The following FNIP1 variants were observed in gnomAD, a reference collection of about 807,000 sequenced individuals.
FNIP1 encodes the protein folliculin-interacting protein 1.
A neutral mutation model predicts 124.5 loss-of-function variants in FNIP1; 40 were observed. The ratio of observed to expected loss-of-function variants is 0.32; its 90% CI spans 0.25 to 0.42. FNIP1 has a LOEUF of 0.42. Among genes scored for constraint, FNIP1 ranks in the 10% least tolerant of loss-of-function variants. FNIP1 has a pLI of 1.00. For missense variants in FNIP1, 1,176 were observed against 1,403.7 expected, an observed-to-expected ratio of 0.84 and a Z score of 2.59; for synonymous variants, 472 against 470.6, an observed-to-expected ratio of 1.00 and a Z score of -0.04.
At chr5:131,761,274 A>G (rs1488927340) in intron 1 of FNIP1, among the ~76,000 whole-genome samples, 1 of 152,182 alleles carries the variant, frequency 6.6e-6, no homozygotes, top group Non-Finnish European at 1.5e-5. Context: ...TCCTAGCTGG[A>G]GCAATTCAAC....
chr5:131,781,936 AC>A (rs1772009577), intron 1 of FNIP1, among the ~76,000 whole-genome samples: 1 of 152,318 alleles, frequency 6.6e-6, no homozygotes, highest in Non-Finnish European at 1.5e-5. Flanking sequence ...AGGTGGGAAG[AC>A]TGCTTGAGGC....
At chr5:131,670,882 CCTT>C (rs1336547798) in intron 14 of FNIP1, among the ~76,000 whole-genome samples, 1 of 152,032 alleles carries the variant, frequency 6.6e-6, no homozygotes, top group Admixed American at 6.6e-5. Flanking sequence ...ATAAAATACT[CCTT>C]CTTATTCAGA....
chr5:131,731,796 TATTC>T lies in FNIP1; in HGVS notation c.220-762_220-759del, dbSNP rs149687211. ...AAACTGAGACCATGTAAAAAATACT[TATTC>T]ATTCATTTAAATACAACAATAAACC... is the stretch of plus-strand genomic sequence containing the variant. On this transcript the variant is annotated intron_variant, in intron 2 of 17. Transcript: ENST00000510461. 3.7e-3 allele frequency among the ~76,000 whole-genome samples: 562 copies of T among 152,306 alleles called. 3 individuals are homozygous for T. The highest frequency in any genetic ancestry group is 5.5e-3 in the Non-Finnish European group (371 of 68,028).
intron 1 of FNIP1, among the ~76,000 whole-genome samples, chr5:131,772,849 T>G (rs1412482534): frequency 6.6e-6 from 1 of 152,180 alleles, no homozygotes; most frequent in Non-Finnish European, 1.5e-5. Context: ...TTCTTCCCAC[T>G]CTGTCCCATT....
At chr5:131,728,407 C>T (rs1283131963) in intron 3 of FNIP1, among the ~76,000 whole-genome samples, 1 of 152,068 alleles carries the variant, frequency 6.6e-6, no homozygotes, top group East Asian at 1.9e-4. Context: ...ATTCTGTCTT[C>T]ATGCTTTATG....
chr5:131,743,070 TATGA>T, intron 2 of FNIP1, among the ~76,000 whole-genome samples: 1 of 152,222 alleles, frequency 6.6e-6, no homozygotes, highest in South Asian at 2.1e-4. Context: ...TATAGAAGGC[TATGA>T]ATATGAGTAA....
intron 1 of FNIP1, among the ~76,000 whole-genome samples, chr5:131,794,842 G>C (rs1023774008): frequency 3.3e-5 from 5 of 152,188 alleles, no homozygotes; most frequent in African/African-American, 1.2e-4. Flanking sequence ...ATGACAGAAA[G>C]TATCAGTGAC....
chr5:131,736,754 A>G (rs969413240), intron 2 of FNIP1, among the ~76,000 whole-genome samples: 1 of 152,250 alleles, frequency 6.6e-6, no homozygotes, highest in Admixed American at 6.5e-5. Context: ...ACAACTTGCC[A>G]AGTTTTAATG....
intron 15 of FNIP1, among the ~76,000 whole-genome samples, chr5:131,663,148 A>T (rs568038696): frequency 6.6e-6 from 1 of 152,338 alleles, no homozygotes; most frequent in African/African-American, 2.4e-5. Context: ...TTTCACATAG[A>T]AGGTTACCTC....
At chr5:131,688,768 T>C (rs1488397495) in intron 11 of FNIP1, among the ~76,000 whole-genome samples, 1 of 144,190 alleles carries the variant, frequency 6.9e-6, no homozygotes, top group Non-Finnish European at 1.5e-5. Context: ...AGACTGGACA[T>C]GACCAAGGAA....
chr5:131,741,026 C>T (rs1035755968), intron 2 of FNIP1, among the ~76,000 whole-genome samples: 5 of 152,154 alleles, frequency 3.3e-5, no homozygotes, highest in Admixed American at 2.0e-4. Context: ...GTTTAGCATA[C>T]AATCAAGAAA....
At chr5:131,764,307 C>CA (rs1245565271) in intron 1 of FNIP1, among the ~76,000 whole-genome samples, 4 of 137,066 alleles carry the variant, frequency 2.9e-5, no homozygotes, top group Non-Finnish European at 6.3e-5. Context: ...CCTAAAACAC[C>CA]TTTTTTTTTT....
intron 1 of FNIP1, among the ~76,000 whole-genome samples, chr5:131,747,611 A>G (rs1410541393): frequency 6.6e-6 from 1 of 152,168 alleles, no homozygotes; most frequent in Non-Finnish European, 1.5e-5. Flanking sequence ...AAGAACTACC[A>G]CGGGAGTCAC....
intron 11 of FNIP1, among the ~76,000 whole-genome samples, chr5:131,697,906 T>C (rs1580764513): frequency 6.8e-6 from 1 of 146,466 alleles, no homozygotes; most frequent in Non-Finnish European, 1.5e-5. Context: ...GAGGCAGAGG[T>C]TGCAGTGAGG....
At chr5:131,703,650 C>A (rs1768976236) in intron 10 of FNIP1, among the ~76,000 whole-genome samples, 1 of 152,214 alleles carries the variant, frequency 6.6e-6, no homozygotes, top group South Asian at 2.1e-4. Flanking sequence ...TAATAAGGGG[C>A]ATTCCTGACT....
Position 131,643,145 on chromosome 5 carries a change from C to T in FNIP1, c.*1540G>A, listed in dbSNP as rs1043834978. The stretch of plus-strand genomic sequence containing the variant: ...GACACACCAATTTCAGGTTTACATT[C>T]CATTAAAACAACAATTTTTTCTTTG... On this transcript the variant is annotated 3_prime_UTR_variant, in exon 18 of 18. Coordinates refer to ENST00000510461, the MANE Select transcript of FNIP1 (RefSeq NM_133372.3). 5.3e-5 allele frequency: 8 copies of T among 152,266 alleles called. No homozygotes were observed. The highest frequency in any genetic ancestry group is 1.7e-4 in the African/African-American group (7 of 41,430). The allele number at this position is 152,266 out of a possible 1,614,324, so 9.4% of individuals were successfully genotyped here.
chr5:131,738,000 G>C (rs970415655), intron 2 of FNIP1, among the ~76,000 whole-genome samples: 13 of 152,184 alleles, frequency 8.5e-5, no homozygotes, highest in African/African-American at 3.1e-4. Flanking sequence ...TTCCACCTCA[G>C]ATCAGCAGAC....
chr5:131,695,060 G>A (rs555210716), intron 11 of FNIP1, among the ~76,000 whole-genome samples: 10 of 151,970 alleles, frequency 6.6e-5, no homozygotes, highest in East Asian at 5.8e-4. Flanking sequence ...AGTTGAGATC[G>A]TGCTACTGCA....
chr5:131,770,000 T>C (rs1771574637), intron 1 of FNIP1, among the ~76,000 whole-genome samples: 1 of 152,202 alleles, frequency 6.6e-6, no homozygotes, highest in Non-Finnish European at 1.5e-5. Context: ...AGGCAACCAA[T>C]GGCTTAGAAC....
Sources: allele counts gnomAD v4.1 joint callset (sites outside exome capture counted in the v4.1 genomes callset), GRCh38; gene constraint gnomAD v4.1.1; transcripts MANE v1.5; gene names NCBI Gene and HGNC (gene_info 2026-07-23, HGNC 2026-07-21).